Variants in HS3ST4 observed in about 807,000 individuals in gnomAD.
HS3ST4 encodes the protein heparan sulfate glucosamine 3-O-sulfotransferase 4.
In HS3ST4, 17 loss-of-function variants were observed where a neutral mutation model predicts 29.2. That is an observed-to-expected ratio of 0.58 (90% CI 0.40 to 0.87). HS3ST4 has a LOEUF of 0.87. Ranked by LOEUF, HS3ST4 falls within the 40% of genes least tolerant of loss-of-function variation. HS3ST4 has a pLI of 0.00. For missense variants in HS3ST4, 627 were observed against 634.5 expected (o/e 0.99, Z 0.13); for synonymous variants, 314 against 285.7 (o/e 1.10, Z -1.00).
intron 1 of HS3ST4, among the ~76,000 whole-genome samples, chr16:25,992,990 C>T (rs1028918440): frequency 6.6e-6 from 1 of 152,172 alleles, no homozygotes. Context: ...TAGGCAGGGT[C>T]TCTGCTTCAT....
rs777820408 is a variant in HS3ST4 at position 25,692,554 on chromosome 16, CCTA to C, written c.139_141del (p.Tyr47del). 13 of 1,453,640 alleles carry C rather than the reference CCTA, an allele frequency of 8.9e-6. No individual in the cohort carries two copies. The South Asian group carries it at 1.7e-4, about 19-fold the overall frequency. 90.0% of individuals were successfully genotyped at this position (1,453,640 alleles called of 1,614,324 possible). A position where few individuals can be genotyped will look rare whatever the true frequency, so the allele number is the denominator to read the frequency against. ...ATGTGCACCTTGTCCCTGTCTGTCA[CCTA>C]CCTGTGCTACAGCCTCCTGGGCGGC... On this transcript the variant is annotated inframe_deletion, in exon 1 of 2. Transcript: ENST00000331351.
chr16:26,060,341 C>A (rs1281607755), intron 1 of HS3ST4, among the ~76,000 whole-genome samples: 1 of 152,182 alleles, frequency 6.6e-6, no homozygotes, highest in Non-Finnish European at 1.5e-5. Flanking sequence ...AGTAAGGATA[C>A]ATTAATTGAA....
At chr16:25,882,681 C>T (rs1471132347) in intron 1 of HS3ST4, among the ~76,000 whole-genome samples, 2 of 152,140 alleles carry the variant, frequency 1.3e-5, no homozygotes, top group East Asian at 3.9e-4. Context: ...CTTATGACTA[C>T]TCTGAAAGAT....
intron 1 of HS3ST4, among the ~76,000 whole-genome samples, chr16:25,834,597 A>G (rs749960900): frequency 3.7e-4 from 57 of 152,186 alleles, no homozygotes; most frequent in Non-Finnish European, 5.3e-4. Context: ...TATACAAAAC[A>G]TGCTATATAT....
intron 1 of HS3ST4, among the ~76,000 whole-genome samples, chr16:25,722,353 T>C (rs553777851): frequency 6.6e-6 from 1 of 152,340 alleles, no homozygotes; most frequent in African/African-American, 2.4e-5. Context: ...CTACCAAAGG[T>C]AGATATATGT....
intron 1 of HS3ST4, among the ~76,000 whole-genome samples, chr16:26,006,736 G>A (rs1969262388): frequency 6.6e-6 from 1 of 152,186 alleles, no homozygotes. Context: ...TTCATCTACA[G>A]GAGTAATTGG....
rs959672530 is a variant in HS3ST4, at chr16:26,078,549, T to C, written c.735-57063T>C. On this transcript the variant is annotated intron_variant, in intron 1 of 1. Coordinates refer to ENST00000331351, the MANE Select transcript of HS3ST4 (RefSeq NM_006040.3). ...AGCAGCAGGTTTTGTGTGGTCTTAT[T>C]AGAAAGGATTGGCTGCTTTGATTTA... Among the ~76,000 whole-genome samples, 11 of 152,304 alleles carry C rather than the reference T, an allele frequency of 7.2e-5. No individual in the cohort carries two copies. In the South Asian group the frequency reaches 1.2e-3, roughly 17 times the overall value.
intron 1 of HS3ST4, among the ~76,000 whole-genome samples, chr16:26,065,804 A>G (rs1360287235): frequency 6.6e-6 from 1 of 152,116 alleles, no homozygotes; most frequent in Non-Finnish European, 1.5e-5. Flanking sequence ...GTCACAGGAG[A>G]TTGAATATAA....
intron 1 of HS3ST4, among the ~76,000 whole-genome samples, chr16:25,830,718 T>C (rs1010648379): frequency 5.3e-5 from 8 of 151,714 alleles, no homozygotes; most frequent in East Asian, 1.9e-4. Flanking sequence ...TCAATCCATG[T>C]CTTTTTTTTT....
At chr16:25,814,006 C>A (rs892197619) in intron 1 of HS3ST4, among the ~76,000 whole-genome samples, 2 of 152,062 alleles carry the variant, frequency 1.3e-5, no homozygotes, top group African/African-American at 4.8e-5. Context: ...GAAGCCAGAC[C>A]CAAAAAGATA....
intron 1 of HS3ST4, among the ~76,000 whole-genome samples, chr16:25,944,491 A>G (rs1968606556): frequency 6.6e-6 from 1 of 152,226 alleles, no homozygotes; most frequent in South Asian, 2.1e-4. Flanking sequence ...CACTAAAACC[A>G]CAATTTTAAT....
At chr16:25,740,409 A>T (rs1427473745) in intron 1 of HS3ST4, among the ~76,000 whole-genome samples, 2 of 152,162 alleles carry the variant, frequency 1.3e-5, no homozygotes, top group African/African-American at 4.8e-5. Flanking sequence ...TAGTATAAAT[A>T]TTTGCCTGCT....
intron 1 of HS3ST4, among the ~76,000 whole-genome samples, chr16:25,907,722 T>A (rs1247426112): frequency 6.6e-6 from 1 of 152,178 alleles, no homozygotes; most frequent in Non-Finnish European, 1.5e-5. Context: ...ACACACACAG[T>A]GCACATGTTC....
chr16:25,996,354 TTACA>T (rs527244428), intron 1 of HS3ST4, among the ~76,000 whole-genome samples: 118 of 152,318 alleles, frequency 7.7e-4, no homozygotes, highest in African/African-American at 2.8e-3. Flanking sequence ...TTTGCATACT[TTACA>T]TATCTAGACA....
intron 1 of HS3ST4, among the ~76,000 whole-genome samples, chr16:25,759,685 A>G (rs1240999645): frequency 6.6e-6 from 1 of 152,140 alleles, no homozygotes; most frequent in Non-Finnish European, 1.5e-5. Flanking sequence ...AGCACTTTGG[A>G]GGCTGAGGTG....
At chr16:25,759,089 A>T (rs1966774502) in intron 1 of HS3ST4, among the ~76,000 whole-genome samples, 2 of 152,246 alleles carry the variant, frequency 1.3e-5, no homozygotes, top group South Asian at 4.1e-4. Flanking sequence ...CCAGGTGCAA[A>T]TGAAGAACCT....
intron 1 of HS3ST4, among the ~76,000 whole-genome samples, chr16:25,906,772 C>T (rs745466681): frequency 5.9e-5 from 9 of 152,008 alleles, no homozygotes; most frequent in Non-Finnish European, 8.8e-5. Context: ...GCCAACGTGG[C>T]TGGTATCTAG....
At chr16:25,961,709 T>C (rs577973799) in intron 1 of HS3ST4, among the ~76,000 whole-genome samples, 2 of 152,260 alleles carry the variant, frequency 1.3e-5, no homozygotes, top group African/African-American at 2.4e-5. Flanking sequence ...CAGAGAAACC[T>C]GGTGAGATAA....
At chr16:26,003,569 C>A (rs1969230836) in intron 1 of HS3ST4, among the ~76,000 whole-genome samples, 1 of 152,192 alleles carries the variant, frequency 6.6e-6, no homozygotes, top group Admixed American at 6.5e-5. Flanking sequence ...CCCAGTTTAG[C>A]AATCTTAGCA....
Sources: allele counts gnomAD v4.1 joint callset (sites outside exome capture counted in the v4.1 genomes callset), GRCh38; gene constraint gnomAD v4.1.1; transcripts MANE v1.5; gene names NCBI Gene and HGNC (gene_info 2026-07-23, HGNC 2026-07-21).